The following DND1 variants were observed in gnomAD, a reference collection of about 807,000 sequenced individuals.
DND1 encodes the protein dead end protein homolog 1.
DND1 carries 6 observed loss-of-function variants against 30.4 expected under a neutral mutation model. The observed-to-expected ratio is 0.20, with a 90% CI of 0.11 to 0.39. The LOEUF (loss-of-function observed/expected upper bound fraction) is 0.39. Among genes scored for constraint, DND1 ranks in the 10% least tolerant of loss-of-function variants. DND1 has a pLI of 1.00. For missense variants in DND1, 358 were observed against 474.9 expected (o/e 0.75, Z 2.29); for synonymous variants, 178 against 210.4 (o/e 0.85, Z 1.33).
chr5:140,673,173 G>A (rs576777047), intron 2 of DND1, 98 bp downstream of exon 2: 1 of 1,359,162 alleles, frequency 7.4e-7, no homozygotes, highest in African/African-American at 1.4e-5. Flanking sequence ...GTATAAATCC[G>A]GGTAGTTCGC....
rs759003755 is a variant in DND1, at chr5:140,671,418, C to A, written c.937G>T (p.Gly313Cys). 8.1e-6 allele frequency: 13 copies of A among 1,612,058 alleles called. No homozygotes were observed. Among genetic ancestry groups the A allele is most frequent in the Admixed American group, 1.7e-5 (1 of 60,002 alleles). Residue 313 changes from glycine (G) to cysteine (C), a missense_variant, in exon 4 of 4, where the codon GGC (glycine) becomes TGC (cysteine). Gly to Cys is a radical substitution (Grantham distance 159). Transcript: ENST00000542735. ...GLIWVVLTLD[G>C]RDGHEVAKDA... ...TTGGCCACCTCATGCCCATCCCGGC[C>A]ATCTAGGGTCAGCACAACCCAGATG...
intron 1 of DND1, 38 bp downstream of exon 1, chr5:140,673,481 G>C: frequency 1.2e-6 from 2 of 1,609,302 alleles, no homozygotes; most frequent in Non-Finnish European, 1.7e-6. Context: ...CCCCCGCTCC[G>C]GCGGGGCTCG....
intron 3 of DND1, chr5:140,672,131 G>A: frequency 1.5e-5 from 8 of 550,714 alleles, no homozygotes; most frequent in Non-Finnish European, 2.6e-5. Context: ...AAAAAGCTCA[G>A]TTGGATTCCC....
At chr5:140,673,087 AG>A in intron 2 of DND1, 181 bp from the exon 3 acceptor site, 1 of 987,244 alleles carries the variant, frequency 1.0e-6, no homozygotes, top group African/African-American at 1.6e-5. Context: ...GGCACAGAGT[AG>A]GTACACCTTG....
chr5:140,672,773 G>A lies in DND1; in HGVS notation c.276C>T (p.Thr92=). The A allele has an allele frequency of 3.1e-6, 5 of 1,588,364 alleles. No individual in the cohort carries two copies. Among genetic ancestry groups the A allele is most frequent in the Non-Finnish European group, 4.3e-6 (5 of 1,174,274 alleles). Residue 92 remains threonine, a synonymous_variant, in exon 3 of 4, where the codon ACC becomes ACT. Transcript: ENST00000542735. ...GRLYEFRLMM[T]FSGLNRGFAY... is the part of the protein sequence containing the mutation. Reference sequence around the variant, plus strand: ...CGAAGCCGCGGTTCAGGCCGCTGAAGGTCATCATCAGGCGGAACTCGTAGA... The same window carrying A: ...CGAAGCCGCGGTTCAGGCCGCTGAAAGTCATCATCAGGCGGAACTCGTAGA...
chr5:140,671,815 C>T (rs1333637855), intron 3 of DND1, 65 bp from the exon 4 acceptor site: 1 of 1,504,810 alleles, frequency 6.6e-7, no homozygotes, highest in Non-Finnish European at 9.0e-7. Context: ...AGGTGGTGAG[C>T]CCTTTGGAGC....
Position 140,670,837 on chromosome 5 carries a change from A to C in DND1, c.*456T>G. On this transcript the variant is annotated 3_prime_UTR_variant, in exon 4 of 4. Transcript: ENST00000542735. Reference sequence around the variant, plus strand: ...TTAATATAAATACAACCAGCATAGAAAGACCCAAAACTATACAGAAACCAA... The same window carrying C: ...TTAATATAAATACAACCAGCATAGACAGACCCAAAACTATACAGAAACCAA... The C allele has an allele frequency of 4.2e-6, 1 of 239,646 alleles. No individual in the cohort carries two copies. The highest frequency in any genetic ancestry group is 8.3e-6 in the Non-Finnish European group (1 of 119,998). 14.8% of individuals were successfully genotyped at this position (239,646 alleles called of 1,614,324 possible).
At chr5:140,673,116 C>T in intron 2 of DND1, 155 bp downstream of exon 2, 1 of 1,038,484 alleles carries the variant, frequency 9.6e-7, no homozygotes, top group South Asian at 1.4e-5. Context: ...CCCCCTCCCT[C>T]GACGGGGCGG....
Position 140,672,610 on chromosome 5 carries a change from G to A in DND1, c.439C>T (p.Pro147Ser). The stretch of plus-strand genomic sequence containing the variant: ...AGCAGCGCGCTGCGGGTCAGATTCG[G>A]CGGCAGGCCGTCAACGCTCAGCTCA... The part of the protein sequence containing the change: ...KCELSVDGLP[P>S]NLTRSALLLA... Residue 147 changes from proline (P) to serine (S), a missense_variant, in exon 3 of 4, where the codon CCG becomes TCG. Around this residue, in one of 3 missense-constraint regions of DND1, gnomAD observed 62 missense variants for 40.6 expected, o/e 1.53. Transcript: ENST00000542735. 6.4e-7 allele frequency: 1 copy of A among 1,568,624 alleles called. No homozygotes were observed. The highest frequency in any genetic ancestry group is 8.6e-7 in the Non-Finnish European group (1 of 1,164,832).
intron 2 of DND1, 152 bp from the exon 3 acceptor site, chr5:140,673,058 C>A: frequency 9.6e-7 from 1 of 1,042,332 alleles, no homozygotes; most frequent in Non-Finnish European, 1.4e-6. Flanking sequence ...AATTAGGTGA[C>A]TGCGCTAACA....
intron 1 of DND1, 31 bp downstream of exon 1, chr5:140,673,488 C>T (rs571609012): frequency 1.9e-6 from 3 of 1,607,868 alleles, no homozygotes; most frequent in Middle Eastern, 1.7e-4. Flanking sequence ...TCCGGCGGGG[C>T]TCGCCGGCCC....
rs752862304 is a variant in DND1, at chr5:140,671,312, C to T, written c.1043G>A (p.Gly348Asp). 5.0e-6 allele frequency: 8 copies of T among 1,612,770 alleles called. No individual in the cohort carries two copies. Among genetic ancestry groups the T allele is most frequent in the Middle Eastern group, 1.7e-4 (1 of 5,976 alleles). The change falls in exon 4 of 4, where the codon GGT (glycine) becomes GAT (aspartate). Residue 348 changes from glycine (G) to aspartate (D), a missense_variant. This residue lies in a region of DND1 where 176 missense variants were observed against 235.2 expected (regional missense o/e 0.75). Coordinates refer to ENST00000542735, the MANE Select transcript of DND1 (RefSeq NM_194249.3). The part of the protein sequence containing the change: ...NLLWSAGAEA[G>D]TMVKQ ...ATGGAGTCACTGTTTAACCATGGTA[C>T]CTGCCTCAGCCCCAGCAGACCACAG...
chr5:140,671,182 A>T lies in DND1; in HGVS notation c.*111T>A, dbSNP rs1468556804. ...CAGGGAGGCTGATGGGCCTGGGCCC[A>T]TGCCCCTCCCCACCTTTGGGGGTCA... On this transcript the variant is annotated 3_prime_UTR_variant, in exon 4 of 4. Coordinates refer to ENST00000542735, the MANE Select transcript of DND1 (RefSeq NM_194249.3). The T allele has an allele frequency of 1.4e-6, 2 of 1,408,774 alleles. No homozygotes were observed. Among genetic ancestry groups the T allele is most frequent in the Non-Finnish European group, 2.0e-6 (2 of 1,002,784 alleles). 87.3% of individuals were successfully genotyped at this position (1,408,774 alleles called of 1,614,324 possible). A position where few individuals can be genotyped will look rare whatever the true frequency, so the allele number is the denominator to read the frequency against.
chr5:140,672,052 C>G (rs369455326), intron 3 of DND1: 1 of 567,480 alleles, frequency 1.8e-6, no homozygotes. Context: ...AGTCAGTGTG[C>G]TAAGTACCGT....
Position 140,671,255 on chromosome 5 carries a change from G to C in DND1, c.*38C>G. The C allele has an allele frequency of 1.2e-6, 2 of 1,610,058 alleles. No individual in the cohort carries two copies. Among genetic ancestry groups the C allele is most frequent in the East Asian group, 2.2e-5 (1 of 44,876 alleles). On this transcript the variant is annotated 3_prime_UTR_variant, in exon 4 of 4. Coordinates refer to ENST00000542735, the MANE Select transcript of DND1 (RefSeq NM_194249.3). ...TGGGATGGGGCCTGACACAGGCTCT[G>C]CATGCCCATTCAGGGTGCCTGTGGA...
At position 140,671,510 on chromosome 5, in the gene DND1, G is replaced by A. The variant is rs1396220830; in HGVS notation, c.845C>T (p.Pro282Leu). Reference sequence around the variant, plus strand: ...GTACCAGAAGCGGTGCCAGCCAGCAGGTCCTATGCCCAAACACTTGGTGAG... The same window carrying A: ...GTACCAGAAGCGGTGCCAGCCAGCAAGTCCTATGCCCAAACACTTGGTGAG... ...VFLTKCLGIG[P>L]AGWHRFWYQV... is the part of the protein sequence containing the mutation. The change falls in exon 4 of 4, where the codon CCT becomes CTT. Residue 282 changes from proline (P) to leucine (L), a missense_variant. By Grantham distance (98) the Pro-to-Leu change is moderately conservative. Transcript: ENST00000542735. 22 of 1,585,602 alleles carry A rather than the reference G, an allele frequency of 1.4e-5. No homozygotes were observed. Among genetic ancestry groups the A allele is most frequent in the Non-Finnish European group, 1.9e-5 (22 of 1,167,750 alleles).
In DND1 at chr5:140,672,488, G is replaced by C. The variant is rs761021121; in HGVS notation, c.561C>G (p.Ser187Arg). The C allele has an allele frequency of 3.8e-5, 61 of 1,604,458 alleles. No homozygotes were observed. The highest frequency in any genetic ancestry group is 5.1e-5 in the Non-Finnish European group (60 of 1,177,742). ...APGQIALLKF[S>R]SHRAAAMAKK... ...TGGCCATGGCAGCGGCCCGGTGCGAGCTGAATTTGAGCAGAGCGATCTGCC... is the reference window on the plus strand; with the variant it reads ...TGGCCATGGCAGCGGCCCGGTGCGACCTGAATTTGAGCAGAGCGATCTGCC... Residue 187 changes from serine (S) to arginine (R), a missense_variant, in exon 3 of 4, where the codon AGC (serine) becomes AGG (arginine). By Grantham distance (110) the Ser-to-Arg change is moderately radical (BLOSUM62 -1). Around this residue, in one of 3 missense-constraint regions of DND1, gnomAD observed 176 missense variants for 235.2 expected, o/e 0.75. Transcript: ENST00000542735.
Position 140,672,528 on chromosome 5 carries a change from G to A in DND1, c.521C>T (p.Pro174Leu), listed in dbSNP as rs757578310. The A allele has an allele frequency of 6.0e-5, 96 of 1,592,488 alleles. No individual in the cohort carries two copies. The highest frequency in any genetic ancestry group is 7.7e-5 in the Non-Finnish European group (90 of 1,173,426). Residue 174 changes from proline to leucine, a missense_variant, in exon 3 of 4, where the codon CCC (proline) becomes CTC (leucine). By Grantham distance (98) the Pro-to-Leu change is moderately conservative. Transcript: ENST00000542735. ...AGCGATCTGCCCGGGCGCCGGTCCG[G>A]GGCTGGGCAGCAGCCGCGCCTCCTG... ...GLQEARLLPS[P>L]GPAPGQIALL... is the part of the protein sequence containing the mutation.
rs187873363 is a variant in DND1, at chr5:140,672,335, A to C, written c.604+110T>G. 2.4e-5 allele frequency: 29 copies of C among 1,232,078 alleles called. No homozygotes were observed. In the East Asian group the frequency reaches 7.6e-4, roughly 32 times the overall value. The allele number at this position is 1,232,078 out of a possible 1,614,324, so 76.3% of individuals were successfully genotyped here. A position where few individuals can be genotyped will look rare whatever the true frequency, so the allele number is the denominator to read the frequency against. On this transcript the variant is annotated intron_variant, in intron 3 of 3. Coordinates refer to ENST00000542735, the MANE Select transcript of DND1 (RefSeq NM_194249.3). ...CTGAGATCAAATAGTAAAAGGTTGC[A>C]AATTCTGGCATGTTTGACTCTAAGA...
Sources: allele counts gnomAD v4.1 joint callset, GRCh38; gene constraint gnomAD v4.1.1; regional missense constraint gnomAD v4.1.1; transcripts MANE v1.5; gene names NCBI Gene and HGNC (gene_info 2026-07-23, HGNC 2026-07-21).